Variants in MAPK10 observed in about 807,000 individuals in gnomAD.
The protein encoded by MAPK10 is mitogen-activated protein kinase 10, also known as JNK3 alpha protein kinase.
MAPK10 carries 25 observed loss-of-function variants against 59.3 expected under a neutral mutation model. The observed-to-expected ratio is 0.42, with a 90% CI of 0.31 to 0.59. MAPK10 has a LOEUF of 0.59. Among genes scored for constraint, MAPK10 ranks in the 20% least tolerant of loss-of-function variants. MAPK10 has a pLI of 0.15. For missense variants in MAPK10, 351 were observed against 568.9 expected (o/e 0.62, Z 3.90); for synonymous variants, 190 against 200.5 (o/e 0.95, Z 0.44).
intron 3 of MAPK10, among the ~76,000 whole-genome samples, chr4:86,178,868 G>A (rs1322683440): frequency 6.6e-6 from 1 of 152,116 alleles, no homozygotes; most frequent in Non-Finnish European, 1.5e-5. Flanking sequence ...ACAAAAATCA[G>A]TAACATTTCT....
At chr4:86,475,279 C>T (rs561973510) in intron 1 of MAPK10, among the ~76,000 whole-genome samples, 24 of 152,314 alleles carry the variant, frequency 1.6e-4, no homozygotes, top group African/African-American at 5.5e-4. Context: ...GATCAATCCC[C>T]TGTCCTCCTG....
chr4:86,434,424 A>G (rs781130869), intron 1 of MAPK10, among the ~76,000 whole-genome samples: 3 of 152,256 alleles, frequency 2.0e-5, no homozygotes, highest in Non-Finnish European at 4.4e-5. Flanking sequence ...AAGAATATGT[A>G]CAGAACTCAA....
At chr4:86,368,705 G>A (rs1470166928) in intron 1 of MAPK10, among the ~76,000 whole-genome samples, 3 of 152,012 alleles carry the variant, frequency 2.0e-5, no homozygotes, top group Admixed American at 6.6e-5. Flanking sequence ...GTGGTTAAAC[G>A]TACTTTGATT....
intron 2 of MAPK10, among the ~76,000 whole-genome samples, chr4:86,197,641 T>C (rs1413842677): frequency 6.6e-6 from 1 of 152,080 alleles, no homozygotes; most frequent in Non-Finnish European, 1.5e-5. Flanking sequence ...TAAAGCTTAC[T>C]ATAGGAAGTT....
At chr4:86,398,668 C>T (rs183421286) in intron 1 of MAPK10, among the ~76,000 whole-genome samples, 11 of 152,020 alleles carry the variant, frequency 7.2e-5, no homozygotes, top group Non-Finnish European at 1.0e-4. Context: ...GGGTACATTG[C>T]GTGATGCTGA....
intron 2 of MAPK10, chr4:86,322,086 C>G (rs2095907670): frequency 6.6e-6 from 1 of 152,040 alleles, no homozygotes; most frequent in South Asian, 2.1e-4. Context: ...ATTCATAATT[C>G]CATTAAATCA....
intron 2 of MAPK10, among the ~76,000 whole-genome samples, chr4:86,238,624 C>T (rs1019412826): frequency 6.6e-6 from 1 of 152,122 alleles, no homozygotes; most frequent in South Asian, 2.1e-4. Flanking sequence ...AATGGGAGTT[C>T]ATTCATGATT....
chr4:86,289,963 T>A (rs1427838236), intron 2 of MAPK10, among the ~76,000 whole-genome samples: 1 of 152,154 alleles, frequency 6.6e-6, no homozygotes, highest in Non-Finnish European at 1.5e-5. Flanking sequence ...TTGTTGGTAG[T>A]GAGGCTAAGA....
intron 1 of MAPK10, among the ~76,000 whole-genome samples, chr4:86,506,925 C>A (rs912798068): frequency 2.0e-5 from 3 of 151,926 alleles, no homozygotes; most frequent in Non-Finnish European, 2.9e-5. Flanking sequence ...TAAGGCTCTG[C>A]CCACACTAAT....
intron 4 of MAPK10, among the ~76,000 whole-genome samples, chr4:86,133,645 T>C (rs1301439382): frequency 2.0e-5 from 3 of 152,238 alleles, no homozygotes; most frequent in Non-Finnish European, 2.9e-5. Flanking sequence ...AAACTCTTTT[T>C]GTGGGTATTA....
intron 1 of MAPK10, chr4:86,593,846 C>T (rs919706976): frequency 6.6e-6 from 1 of 152,286 alleles, no homozygotes; most frequent in Non-Finnish European, 1.5e-5. Context: ...GACCAAAGCG[C>T]CCCGTGAGAA....
At chr4:86,559,797 G>T (rs1210630002) in intron 1 of MAPK10, among the ~76,000 whole-genome samples, 2 of 151,952 alleles carry the variant, frequency 1.3e-5, no homozygotes, top group Non-Finnish European at 2.9e-5. Flanking sequence ...AAATTAGCTG[G>T]GTGTGGTGGC....
chr4:86,171,935 A>C (rs1237306555), intron 3 of MAPK10, among the ~76,000 whole-genome samples: 11 of 150,846 alleles, frequency 7.3e-5, no homozygotes, highest in Admixed American at 6.6e-4. Flanking sequence ...ACACTTCTCA[A>C]AAGAAGACAT....
rs143686811 is a variant in MAPK10 at position 86,248,305 on chromosome 4, G to A, written c.-6-53898C>T. 2.6e-3 allele frequency among the ~76,000 whole-genome samples: 399 copies of A among 152,040 alleles called. 4 individuals carry two copies. The highest frequency in any genetic ancestry group is 2.2e-3 in the Non-Finnish European group (149 of 67,990). ...TTGTTTAAATTAAAATGTTAAATTC[G>A]TTTGTTAACATCTTTTGTAAAGCCA... On this transcript the variant is annotated intron_variant, in intron 2 of 13. Transcript: ENST00000641462.
chr4:86,459,863 G>T (rs1026886231), intron 1 of MAPK10, among the ~76,000 whole-genome samples: 1 of 151,766 alleles, frequency 6.6e-6, no homozygotes, highest in Admixed American at 6.6e-5. Context: ...AATCATCACC[G>T]AAGAACTTAC....
chr4:86,371,367 C>G (rs1738725008), intron 1 of MAPK10, among the ~76,000 whole-genome samples: 1 of 152,088 alleles, frequency 6.6e-6, no homozygotes, highest in Admixed American at 6.5e-5. Flanking sequence ...TGTGCCTGGG[C>G]CCATGTTACA....
In MAPK10 at chr4:86,205,230, T is replaced by C. The variant is rs549261328; in HGVS notation, c.-6-10823A>G. ...AAAATAGCCTTTAAGGCAAAAAGTA[T>C]TATTAAGAATTACAATAGTCATTAC... On this transcript the variant is annotated intron_variant, in intron 2 of 13. Coordinates refer to ENST00000641462, the MANE Select transcript of MAPK10 (RefSeq NM_138982.4). Among the ~76,000 whole-genome samples the C allele has an allele frequency of 5.3e-5, 8 of 152,068 alleles. No homozygotes were observed. In the East Asian group the frequency reaches 1.6e-3, roughly 29 times the overall value.
intron 1 of MAPK10, among the ~76,000 whole-genome samples, chr4:86,433,239 T>C (rs935031187): frequency 7.2e-5 from 11 of 152,134 alleles, no homozygotes; most frequent in African/African-American, 2.7e-4. Context: ...TGCCCACATT[T>C]GCCCCCTTTC....
At chr4:86,051,066 C>T (rs2043422190) in intron 11 of MAPK10, among the ~76,000 whole-genome samples, 1 of 152,134 alleles carries the variant, frequency 6.6e-6, no homozygotes, top group Non-Finnish European at 1.5e-5. Context: ...TGATTGAACT[C>T]ATGTTGTTTT....
Sources: gnomAD v4.1 joint callset for allele counts (sites outside exome capture counted in the v4.1 genomes callset) on GRCh38, gnomAD v4.1.1 for gene constraint, MANE v1.5 for transcripts, NCBI Gene and HGNC (gene_info 2026-07-23, HGNC 2026-07-21) for gene names.